Variants in MMP21 observed in about 807,000 individuals in gnomAD.
MMP21 encodes the protein matrix metallopeptidase 21.
Under a neutral mutation model 47.8 loss-of-function variants are expected in MMP21, and 40 were observed. The observed-to-expected ratio is 0.84, with a 90% confidence interval of 0.65 to 1.09. The LOEUF is 1.09. Ranked by LOEUF, MMP21 falls within the 50% of genes least tolerant of loss-of-function variation. The pLI, the probability that MMP21 is intolerant of heterozygous loss-of-function variation, is 0.00. For missense variants in MMP21, 747 were observed against 775.3 expected (o/e 0.96, Z 0.43); for synonymous variants, 341 against 318.0 (o/e 1.07, Z -0.77).
At position 125,775,683 on chromosome 10, in the gene MMP21, T is replaced by C. The variant is rs1469236550; in HGVS notation, c.139A>G (p.Ile47Val). The C allele has an allele frequency of 1.2e-6, 2 of 1,610,750 alleles. No individual in the cohort carries two copies. The highest frequency in any genetic ancestry group is 1.7e-6 in the Non-Finnish European group (2 of 1,178,254). The change falls in exon 1 of 7, where the codon ATT (isoleucine) becomes GTT (valine). Residue 47 changes from isoleucine to valine, a missense_variant. Physicochemically the swap from Ile to Val is conservative, Grantham distance 29. Transcript: ENST00000368808. ...ACCTGAGCAGCGTGGAGGTCGGCAA[T>C]GGGCTTGGCCTGGCGCAGTGGGGAC... Reference protein sequence around the residue: ...EPSPLRQAKPIADLHAAQRFL... With the variant: ...EPSPLRQAKPVADLHAAQRFL...
rs1459993117 is a variant in MMP21 at position 125,772,539 on chromosome 10, C to G, written c.837+72G>C. 1.9e-6 allele frequency: 3 copies of G among 1,606,200 alleles called. No individual in the cohort carries two copies. Among genetic ancestry groups the G allele is most frequent in the Non-Finnish European group, 2.6e-6 (3 of 1,173,582 alleles). On this transcript the variant is annotated intron_variant, in intron 3 of 6. Transcript: ENST00000368808. The surrounding 1 kb of genome is among the most constrained non-coding windows in gnomAD (Gnocchi z 5.6). The stretch of plus-strand genomic sequence containing the variant: ...GGTTGCGGACACTACATGAGAAAAG[C>G]TTGGACTTTTTGGACGTCAGCCCAT...
Position 125,774,146 on chromosome 10 carries a change from AG to A in MMP21, c.381del (p.Ser128ProfsTer49). On this transcript the variant is annotated frameshift_variant, in exon 2 of 7. Coordinates refer to ENST00000368808, the MANE Select transcript of MMP21 (RefSeq NM_147191.1). LOFTEE classifies it high-confidence loss of function. ...CGVPDMRPPP[P>X]SAPPSPPGPP... is the part of the protein sequence containing the mutation. Reference sequence around the variant, plus strand: ...GGGCCCGGGGGCGAAGGCGGGGCGGAGGGGGGCGGTGGGCGCATGTCCGGGA... The same window carrying A: ...GGGCCCGGGGGCGAAGGCGGGGCGGAGGGGGCGGTGGGCGCATGTCCGGGA... The A allele has an allele frequency of 7.8e-7, 1 of 1,278,286 alleles. No individual in the cohort carries two copies. Among genetic ancestry groups the A allele is most frequent in the Non-Finnish European group, 9.8e-7 (1 of 1,016,334 alleles). The allele number at this position is 1,278,286 out of a possible 1,614,324, so 79.2% of individuals were successfully genotyped here.
chr10:125,772,435 GC>G lies in MMP21; in HGVS notation c.838-77del. 1 of 1,592,016 alleles carries G rather than the reference GC, an allele frequency of 6.3e-7. No homozygotes were observed. The highest frequency in any genetic ancestry group is 1.1e-5 in the South Asian group (1 of 88,864). On this transcript the variant is annotated intron_variant, in intron 3 of 6. Coordinates refer to ENST00000368808, the MANE Select transcript of MMP21 (RefSeq NM_147191.1). The surrounding 1 kb of genome is among the most constrained non-coding windows in gnomAD (Gnocchi z 5.6). ...CCCTGCATAACAGACGCAGGCCTGT[GC>G]TTCGAGAGGAGCGTTGCTTGTGAAG...
Position 125,772,670 on chromosome 10 carries a change from A to C in MMP21, c.778T>G (p.Phe260Val), listed in dbSNP as rs1850463521. Residue 260 changes from phenylalanine (F) to valine (V), a missense_variant, in exon 3 of 7, where the codon TTT becomes GTT. Coordinates refer to ENST00000368808, the MANE Select transcript of MMP21 (RefSeq NM_147191.1). This position sits in a 1 kb window ranked among gnomAD's most constrained non-coding sequence, Gnocchi z 5.6. The stretch of plus-strand genomic sequence containing the variant: ...GGTGTGAAGTGCTCGTCGTCGTCAA[A>C]GTGAATGTCACCTAGGCGCCAGGCG... ...AHAWRLGDIH[F>V]DDDEHFTPPT... 1.2e-6 allele frequency: 2 copies of C among 1,614,196 alleles called. No individual in the cohort carries two copies. Among genetic ancestry groups the C allele is most frequent in the East Asian group, 2.2e-5 (1 of 44,876 alleles).
In MMP21 at chr10:125,773,281, C is replaced by A. The variant is rs1482121293; in HGVS notation, c.698-531G>T. Among the ~76,000 whole-genome samples, 2 of 152,076 alleles carry A rather than the reference C, an allele frequency of 1.3e-5. No homozygotes were observed. Among genetic ancestry groups the A allele is most frequent in the Admixed American group, 6.5e-5 (1 of 15,280 alleles). The stretch of plus-strand genomic sequence containing the variant: ...TCCATGCCCTCACCCACTCTCCATT[C>A]TGGGTGCCTTTTTGTGGGTATCCCA... On this transcript the variant is annotated intron_variant, in intron 2 of 6. Coordinates refer to ENST00000368808, the MANE Select transcript of MMP21 (RefSeq NM_147191.1). This position sits in a 1 kb window ranked among gnomAD's most constrained non-coding sequence, Gnocchi z 4.8.
rs368484721 is a variant in MMP21 at position 125,775,642 on chromosome 10, C to G, written c.162+18G>C. ...GCACGGGCCTGGGGGTATTGCTGTT[C>G]TTCCAGCTTCCTCCTACCTGAGCAG... On this transcript the variant is annotated intron_variant, in intron 1 of 6. Transcript: ENST00000368808. The G allele has an allele frequency of 1.0e-4, 159 of 1,588,704 alleles. No individual in the cohort carries two copies. Among genetic ancestry groups the G allele is most frequent in the Non-Finnish European group, 3.5e-5 (41 of 1,165,828 alleles).
rs751801085 is a variant in MMP21, at chr10:125,775,815, C to G, written c.7G>C (p.Ala3Pro). ML[A>P]ASIFRPTLLL... ...AGTGTCGGACGGAAGATGGAGGCGG[C>G]GAGCATTGGCCTGGTCTGAACCCTT... The change falls in exon 1 of 7, where the codon GCC becomes CCC. Residue 3 changes from alanine to proline, a missense_variant. Transcript: ENST00000368808. The G allele has an allele frequency of 2.8e-5, 45 of 1,606,080 alleles. No individual in the cohort carries two copies. Among genetic ancestry groups the G allele is most frequent in the Non-Finnish European group, 3.7e-5 (44 of 1,176,518 alleles).
chr10:125,769,296 C>CT (rs1850420188), intron 5 of MMP21, among the ~76,000 whole-genome samples: 1 of 152,212 alleles, frequency 6.6e-6, no homozygotes, highest in Non-Finnish European at 1.5e-5. Context: ...ACATCAGTCT[C>CT]TGTCTTCCAG....
In MMP21 at chr10:125,772,456, G is replaced by T; in HGVS notation, c.838-97C>A. Reference sequence around the variant, plus strand: ...CTGTGCTTCGAGAGGAGCGTTGCTTGTGAAGAGGGGAGCACCGGTGGAACT... The same window carrying T: ...CTGTGCTTCGAGAGGAGCGTTGCTTTTGAAGAGGGGAGCACCGGTGGAACT... On this transcript the variant is annotated intron_variant, in intron 3 of 6. Transcript: ENST00000368808. The surrounding 1 kb of genome is among the most constrained non-coding windows in gnomAD (Gnocchi z 5.6). 6.3e-7 allele frequency: 1 copy of T among 1,575,602 alleles called. No homozygotes were observed. The highest frequency in any genetic ancestry group is 8.7e-7 in the Non-Finnish European group (1 of 1,153,384).
chr10:125,767,817 T>G (rs1333732062), intron 5 of MMP21, 113 bp from the exon 6 acceptor site: 2 of 1,117,860 alleles, frequency 1.8e-6, no homozygotes, highest in Non-Finnish European at 2.5e-6. Flanking sequence ...TTGCCATGAT[T>G]CTAGGAGAAA....
At position 125,772,194 on chromosome 10, in the gene MMP21, G is replaced by A. The variant is rs770267400; in HGVS notation, c.979+24C>T. On this transcript the variant is annotated intron_variant, in intron 4 of 6. Transcript: ENST00000368808. This position sits in a 1 kb window ranked among gnomAD's most constrained non-coding sequence, Gnocchi z 5.6. ...AATACAGTGTCCTCCGCTAGCTCAG[G>A]GATGCCCTCCGCAGCAGTCTTACCA... is the stretch of plus-strand genomic sequence containing the variant. 1 of 1,613,728 alleles carries A rather than the reference G, an allele frequency of 6.2e-7. No individual in the cohort carries two copies. Among genetic ancestry groups the A allele is most frequent in the Non-Finnish European group, 8.5e-7 (1 of 1,179,742 alleles).
In MMP21 at chr10:125,766,661, A is replaced by C. The variant is rs760505326; in HGVS notation, c.*1T>G. ...GACCCTCCATTTCCTACTTTTTCTT[A>C]TTACATGTTCAGTGTGGAGATATGG... On this transcript the variant is annotated 3_prime_UTR_variant, in exon 7 of 7. Coordinates refer to ENST00000368808, the MANE Select transcript of MMP21 (RefSeq NM_147191.1). 5 of 1,580,770 alleles carry C rather than the reference A, an allele frequency of 3.2e-6. No individual in the cohort carries two copies. Among genetic ancestry groups the C allele is most frequent in the Non-Finnish European group, 4.3e-6 (5 of 1,168,134 alleles).
chr10:125,767,577 A>T lies in MMP21; in HGVS notation c.1365T>A (p.Phe455Leu). ...AAATTAACTTCTGTCTTCGGTCATA[A>T]AACGCCGTGTCTAGGGGACTTGGGA... ...PGIPSPLDTA[F>L]YDRRQKLIYF... Residue 455 changes from phenylalanine to leucine, a missense_variant, in exon 6 of 7, where the codon TTT (phenylalanine) becomes TTA (leucine). Physicochemically the swap from Phe to Leu is conservative, Grantham distance 22. Coordinates refer to ENST00000368808, the MANE Select transcript of MMP21 (RefSeq NM_147191.1). 6.2e-7 allele frequency: 1 copy of T among 1,614,210 alleles called. No individual in the cohort carries two copies. The highest frequency in any genetic ancestry group is 8.5e-7 in the Non-Finnish European group (1 of 1,180,042).
At position 125,773,716 on chromosome 10, in the gene MMP21, G is replaced by C; in HGVS notation, c.697+115C>G. 7.5e-7 allele frequency: 1 copy of C among 1,327,754 alleles called. No individual in the cohort carries two copies. Among genetic ancestry groups the C allele is most frequent in the Non-Finnish European group, 9.7e-7 (1 of 1,027,152 alleles). 82.2% of individuals were successfully genotyped at this position (1,327,754 alleles called of 1,614,324 possible). A position where few individuals can be genotyped will look rare whatever the true frequency, so the allele number is the denominator to read the frequency against. ...GCCTGCCCCGCTGACAGGTGCCCCCGGGACAGGCCGGGAGGGCTTAGCCCC... is the reference window on the plus strand; with the variant it reads ...GCCTGCCCCGCTGACAGGTGCCCCCCGGACAGGCCGGGAGGGCTTAGCCCC... On this transcript the variant is annotated intron_variant, in intron 2 of 6. Coordinates refer to ENST00000368808, the MANE Select transcript of MMP21 (RefSeq NM_147191.1). This position sits in a 1 kb window ranked among gnomAD's most constrained non-coding sequence, Gnocchi z 4.8.
chr10:125,767,563 T>C lies in MMP21; in HGVS notation c.1379A>G (p.Gln460Arg). 6.2e-7 allele frequency: 1 copy of C among 1,614,228 alleles called. No homozygotes were observed. Among genetic ancestry groups the C allele is most frequent in the Non-Finnish European group, 8.5e-7 (1 of 1,180,042 alleles). The change falls in exon 6 of 7, where the codon CAG (glutamine) becomes CGG (arginine). Residue 460 changes from glutamine to arginine, a missense_variant. Transcript: ENST00000368808. ...CTCCTTGAAGAAGTAAATTAACTTCTGTCTTCGGTCATAAAACGCCGTGTC... is the reference window on the plus strand; with the variant it reads ...CTCCTTGAAGAAGTAAATTAACTTCCGTCTTCGGTCATAAAACGCCGTGTC... The part of the protein sequence containing the change: ...PLDTAFYDRR[Q>R]KLIYFFKESL...
chr10:125,767,749 ATCACGTG>A (rs1589891439), intron 5 of MMP21, 45 bp from the exon 6 acceptor site: 1 of 1,591,878 alleles, frequency 6.3e-7, no homozygotes, highest in Admixed American at 1.7e-5. Flanking sequence ...TTACTATTAA[ATCACGTG>A]ACAAAAAGGA....
rs1457664770 is a variant in MMP21, at chr10:125,766,634, AT to A, written c.*27del. 6.4e-7 allele frequency: 1 copy of A among 1,552,344 alleles called. No homozygotes were observed. Among genetic ancestry groups the A allele is most frequent in the African/African-American group, 1.4e-5 (1 of 72,646 alleles). On this transcript the variant is annotated 3_prime_UTR_variant, in exon 7 of 7. Transcript: ENST00000368808. ...AGTATCAGAATTTTAGCGAAGTCCTATGACCCTCCATTTCCTACTTTTTCTT... is the reference window on the plus strand; with the variant it reads ...AGTATCAGAATTTTAGCGAAGTCCTAGACCCTCCATTTCCTACTTTTTCTT...
In MMP21 at chr10:125,772,300, G is replaced by A. The variant is rs28381295; in HGVS notation, c.897C>T (p.Ser299=). Residue 299 remains serine, a synonymous_variant, in exon 4 of 7, where the codon TCC becomes TCT. Coordinates refer to ENST00000368808, the MANE Select transcript of MMP21 (RefSeq NM_147191.1). This position sits in a 1 kb window ranked among gnomAD's most constrained non-coding sequence, Gnocchi z 5.6. The part of the protein sequence containing the change: ...LGLPHTYRTG[S]IMQPNYIPQE... ...GGGGAATGTAATTTGGTTGCATTAT[G>A]GATCCCGTCCTGTAGGTGTGAGGCA... 12 of 1,614,056 alleles carry A rather than the reference G, an allele frequency of 7.4e-6. No homozygotes were observed. In the Admixed American group the frequency reaches 2.0e-4, roughly 27 times the overall value.
chr10:125,773,885 C>G lies in MMP21; in HGVS notation c.643G>C (p.Glu215Gln). 6.3e-7 allele frequency: 1 copy of G among 1,577,074 alleles called. No individual in the cohort carries two copies. The highest frequency in any genetic ancestry group is 8.6e-7 in the Non-Finnish European group (1 of 1,168,748). Residue 215 changes from glutamate (E) to glutamine (Q), a missense_variant, in exon 2 of 7, where the codon GAG (glutamate) becomes CAG (glutamine). Transcript: ENST00000368808. This position sits in a 1 kb window ranked among gnomAD's most constrained non-coding sequence, Gnocchi z 4.8. ...GCGGCCCCGGGGGCGGCCAGGTCCT[C>G]GCGGAAGTCCAGCGGCGTCACCTCG... ...WSEVTPLDFREDLAAPGAAVD... is the reference protein window; with the variant it reads ...WSEVTPLDFRQDLAAPGAAVD...
Sources: gnomAD v4.1 joint callset for allele counts (sites outside exome capture counted in the v4.1 genomes callset) on GRCh38, gnomAD v4.1.1 for gene constraint, Gnocchi (gnomAD v3.1) non-coding constraint, MANE v1.5 for transcripts, NCBI Gene and HGNC (gene_info 2026-07-23, HGNC 2026-07-21) for gene names.